The following ERC2 variants were observed in gnomAD, a reference collection of about 807,000 sequenced individuals.
ERC2 encodes ELKS/RAB6-interacting/CAST family member 2.
ERC2 carries 42 observed loss-of-function variants against 114.8 expected under a neutral mutation model. That is an observed-to-expected ratio of 0.37 (90% CI 0.29 to 0.47). The LOEUF (loss-of-function observed/expected upper bound fraction) is 0.47. ERC2 is among the 20% of genes least tolerant of loss of function. The probability of loss-of-function intolerance (pLI) is 0.99; values close to 1 mark genes in which losing one functional copy is unlikely to be tolerated. For missense variants in ERC2, 939 were observed against 1,150.7 expected (o/e 0.82, Z 2.66); for synonymous variants, 454 against 425.5 (o/e 1.07, Z -0.82).
intron 3 of ERC2, among the ~76,000 whole-genome samples, chr3:56,225,202 A>G (rs1214377598): frequency 6.6e-6 from 1 of 152,142 alleles, no homozygotes; most frequent in African/African-American, 2.4e-5. Flanking sequence ...CTGTTTCAAA[A>G]GGATCCCTGA....
chr3:56,102,014 T>C (rs9881749), intron 6 of ERC2, among the ~76,000 whole-genome samples: 26,165 of 152,206 alleles, frequency 0.17, 2,458 homozygotes, highest in African/African-American at 0.23. Context: ...CAGCAAGATG[T>C]GGTACTTTCA....
chr3:55,988,138 C>T (rs896613330), intron 11 of ERC2, among the ~76,000 whole-genome samples: 1 of 152,196 alleles, frequency 6.6e-6, no homozygotes, highest in Non-Finnish European at 1.5e-5. Context: ...AACTCAGAGA[C>T]CTTGATGGGC....
chr3:55,879,482 C>A (rs2063022877), intron 14 of ERC2, among the ~76,000 whole-genome samples: 1 of 152,052 alleles, frequency 6.6e-6, no homozygotes, highest in African/African-American at 2.4e-5. Flanking sequence ...GACCTAATAC[C>A]CCTTATAGGT....
chr3:55,806,932 G>T (rs1407920778), intron 14 of ERC2, among the ~76,000 whole-genome samples: 1 of 152,132 alleles, frequency 6.6e-6, no homozygotes, highest in East Asian at 1.9e-4. Context: ...TATGCCTAAG[G>T]GGTCTCCTAA....
chr3:56,137,229 G>T (rs2080561588), intron 6 of ERC2, among the ~76,000 whole-genome samples: 1 of 152,114 alleles, frequency 6.6e-6, no homozygotes, highest in Admixed American at 6.5e-5. Context: ...TGCTGGTTTG[G>T]GTAAGCAGAC....
At chr3:56,178,846 T>A (rs1401766618) in intron 3 of ERC2, among the ~76,000 whole-genome samples, 2 of 151,760 alleles carry the variant, frequency 1.3e-5, no homozygotes, top group African/African-American at 4.8e-5. Context: ...GGAAAATAAA[T>A]CAGAGAAGTA....
At chr3:55,850,019 G>C (rs1393076524) in intron 14 of ERC2, among the ~76,000 whole-genome samples, 1 of 152,194 alleles carries the variant, frequency 6.6e-6, no homozygotes, top group Non-Finnish European at 1.5e-5. Context: ...TGGAGGCCCT[G>C]ATGGAGAAAC....
At chr3:56,365,733 GAC>G (rs2059125269) in intron 2 of ERC2, among the ~76,000 whole-genome samples, 1 of 152,218 alleles carries the variant, frequency 6.6e-6, no homozygotes, top group Admixed American at 6.5e-5. Context: ...TTGGAACACA[GAC>G]ACTCCTATTT....
chr3:56,051,851 A>T (rs1414855803), intron 7 of ERC2, among the ~76,000 whole-genome samples: 1 of 143,940 alleles, frequency 6.9e-6, no homozygotes, highest in Non-Finnish European at 1.5e-5. Context: ...ACACACACAC[A>T]CACACACACA....
At chr3:56,451,790 G>A (rs1014441004) in intron 1 of ERC2, among the ~76,000 whole-genome samples, 4 of 152,206 alleles carry the variant, frequency 2.6e-5, no homozygotes, top group African/African-American at 7.2e-5. Flanking sequence ...TGTGGTTTCT[G>A]ACATGATAGA....
intron 14 of ERC2, among the ~76,000 whole-genome samples, chr3:55,756,331 G>T (rs909507447): frequency 2.0e-5 from 3 of 152,108 alleles, no homozygotes; most frequent in African/African-American, 7.2e-5. Context: ...GAAACTTTTT[G>T]ATGCTAACAT....
rs79049151 is a variant in ERC2 at position 56,224,984 on chromosome 3, C to T, written c.1075-51464G>A. Among the ~76,000 whole-genome samples, 95 of 152,176 alleles carry T rather than the reference C, an allele frequency of 6.2e-4. 1 individual carries two copies. In the East Asian group the frequency reaches 0.016, roughly 25 times the overall value. On this transcript the variant is annotated intron_variant, in intron 3 of 17. Transcript: ENST00000288221. ...GGCCTCTGATAAGAGGGGACCTGCT[C>T]CCATTCCTCATATACCTCCTGCCTA...
intron 2 of ERC2, among the ~76,000 whole-genome samples, chr3:56,325,625 AC>A (rs1004815469): frequency 6.6e-6 from 1 of 152,160 alleles, no homozygotes; most frequent in Non-Finnish European, 1.5e-5. Flanking sequence ...TGAAGTTGTA[AC>A]CTCTATAAAG....
chr3:55,637,885 T>C (rs1271984092), intron 17 of ERC2, among the ~76,000 whole-genome samples: 1 of 152,146 alleles, frequency 6.6e-6, no homozygotes, highest in Non-Finnish European at 1.5e-5. Flanking sequence ...CTGACCCCTC[T>C]GACTCAAGTT....
intron 1 of ERC2, among the ~76,000 whole-genome samples, chr3:56,449,296 G>A (rs1242474907): frequency 3.3e-5 from 5 of 152,100 alleles, no homozygotes; most frequent in Non-Finnish European, 4.4e-5. Flanking sequence ...TCACAGGCCT[G>A]TAGGTACCCA....
intron 3 of ERC2, among the ~76,000 whole-genome samples, chr3:56,236,221 T>C (rs1473212878): frequency 6.6e-6 from 1 of 152,168 alleles, no homozygotes; most frequent in East Asian, 1.9e-4. Context: ...GGTCAGCACA[T>C]AGCTGAGCAA....
At chr3:56,222,979 C>T (rs1195560809) in intron 3 of ERC2, among the ~76,000 whole-genome samples, 2 of 152,226 alleles carry the variant, frequency 1.3e-5, no homozygotes, top group African/African-American at 4.8e-5. Context: ...TACTTGTCTC[C>T]TCCCTCTATC....
At chr3:55,955,186 T>C (rs199759087) in intron 12 of ERC2, 163 of 514,932 alleles carry the variant, frequency 3.2e-4, no homozygotes, top group Non-Finnish European at 5.0e-4. Context: ...TGGTCATGAC[T>C]GAAGAAGGGA....
Position 55,509,307 on chromosome 3 carries a change from A to C in ERC2, c.*2009T>G, listed in dbSNP as rs2051940482. On this transcript the variant is annotated 3_prime_UTR_variant, in exon 18 of 18. Transcript: ENST00000288221. Reference sequence around the variant, plus strand: ...CTTCCTACTTCAAGTATTCAGTTGCAGAGTTCAGGTCAAGACCTGGTTGTA... The same window carrying C: ...CTTCCTACTTCAAGTATTCAGTTGCCGAGTTCAGGTCAAGACCTGGTTGTA... 6.6e-6 allele frequency: 1 copy of C among 152,466 alleles called. No individual in the cohort carries two copies. The highest frequency in any genetic ancestry group is 2.1e-4 in the South Asian group (1 of 4,818). The allele number at this position is 152,466 out of a possible 1,614,324, so 9.4% of individuals were successfully genotyped here.
Sources: allele counts gnomAD v4.1 joint callset (sites outside exome capture counted in the v4.1 genomes callset), GRCh38; gene constraint gnomAD v4.1.1; transcripts MANE v1.5; gene names NCBI Gene and HGNC (gene_info 2026-07-23, HGNC 2026-07-21).